The following DPH6 variants were observed in gnomAD, a reference collection of about 807,000 sequenced individuals.
DPH6 encodes the protein diphthamine biosynthesis 6.
In DPH6, 33 loss-of-function variants were observed where a neutral mutation model predicts 38.2. The observed-to-expected ratio is 0.86, with a 90% CI of 0.65 to 1.15. The LOEUF is 1.15. DPH6 is among the 50% of genes most tolerant of loss of function. The pLI, the probability that DPH6 is intolerant of heterozygous loss-of-function variation, is 0.00. For synonymous variants in DPH6, 108 were observed against 103.0 expected (o/e 1.05, Z -0.30); for missense variants, 325 against 320.0 (o/e 1.02, Z -0.12).
chr15:35,330,064 C>T (rs1450152654), downstream of DPH6, among the ~76,000 whole-genome samples: 1 of 152,152 alleles, frequency 6.6e-6, no homozygotes, highest in East Asian at 1.9e-4. Context: ...ACACTAAACA[C>T]TATGTTTTAA....
chr15:35,530,962 T>A (rs1305678253), intron 3 of DPH6, among the ~76,000 whole-genome samples: 2 of 152,158 alleles, frequency 1.3e-5, no homozygotes, highest in Non-Finnish European at 2.9e-5. Flanking sequence ...AGGTTTAATA[T>A]CCAAAATCCT....
At chr15:35,211,229 T>C in the DPH6 span, among the ~76,000 whole-genome samples, 3 of 152,274 alleles carry the variant, frequency 2.0e-5, no homozygotes, top group Admixed American at 2.0e-4. Context: ...AAAAACTTTT[T>C]CCTTTCCCTA....
chr15:35,431,439 G>GA (rs571395756), intron 5 of DPH6, among the ~76,000 whole-genome samples: 11 of 151,642 alleles, frequency 7.3e-5, no homozygotes, highest in Non-Finnish European at 1.3e-4. Context: ...ATTAAATCAG[G>GA]AAAAAAAATG....
At position 35,223,485 on chromosome 15, in the gene DPH6, G is replaced by C. The variant is rs535025403; in HGVS notation, n.201-2903C>G. On this transcript the variant is annotated intron_variant and non_coding_transcript_variant, in intron 3 of 3. Coordinates refer to the DPH6 transcript ENST00000560386. Reference sequence around the variant, plus strand: ...GTGGATCACGAGGTCAGGAGATGGAGACCACCCTGGCTAAGAAGGTGAAAC... The same window carrying C: ...GTGGATCACGAGGTCAGGAGATGGACACCACCCTGGCTAAGAAGGTGAAAC... 1.4e-3 allele frequency among the ~76,000 whole-genome samples: 211 copies of C among 152,276 alleles called. 1 individual carries two copies. The highest frequency in any genetic ancestry group is 2.1e-3 in the Non-Finnish European group (142 of 68,022).
At chr15:35,491,409 T>A (rs565126461) in intron 3 of DPH6, among the ~76,000 whole-genome samples, 2 of 152,202 alleles carry the variant, frequency 1.3e-5, no homozygotes, top group South Asian at 2.1e-4. Context: ...GAAATCACTG[T>A]CATAAACCAA....
intron 7 of DPH6, among the ~76,000 whole-genome samples, 178 bp from the exon 8 acceptor site, chr15:35,373,786 A>T (rs2052744803): frequency 6.6e-6 from 1 of 151,992 alleles, no homozygotes; most frequent in African/African-American, 2.4e-5. Flanking sequence ...AAAAGGTTCA[A>T]GTATACTAAG....
At chr15:35,215,430 C>A (rs148185208), downstream of DPH6, among the ~76,000 whole-genome samples, 1 of 151,976 alleles carries the variant, frequency 6.6e-6, no homozygotes, top group Non-Finnish European at 1.5e-5. Context: ...ACTCAGTTGC[C>A]CAGGCTGGGG....
intron 3 of DPH6, chr15:35,489,752 T>TA: frequency 9.2e-6 from 9 of 981,784 alleles, no homozygotes; most frequent in Non-Finnish European, 1.1e-5. Context: ...ACAGAAACTA[T>TA]AAAGTATTTT....
rs1019643181 is a variant in DPH6, at chr15:35,496,069, A to C, written c.313-41249T>G. Among the ~76,000 whole-genome samples the C allele has an allele frequency of 3.9e-5, 6 of 152,336 alleles. No homozygotes were observed. The South Asian group carries it at 6.2e-4, about 16-fold the overall frequency. On this transcript the variant is annotated intron_variant, in intron 3 of 8. Transcript: ENST00000256538. ...ATTTCAAGTATATATCAAATGTGTA[A>C]GTAAACAATAGCTTCTAAAAGATAG... is the stretch of plus-strand genomic sequence containing the variant.
At position 35,371,891 on chromosome 15, in the gene DPH6, G is replaced by T; in HGVS notation, c.*259C>A. 3 of 1,131,536 alleles carry T rather than the reference G, an allele frequency of 2.7e-6. No individual in the cohort carries two copies. The highest frequency in any genetic ancestry group is 1.1e-6 in the Non-Finnish European group (1 of 919,708). The allele number at this position is 1,131,536 out of a possible 1,614,324, so 70.1% of individuals were successfully genotyped here. On this transcript the variant is annotated 3_prime_UTR_variant, in exon 9 of 9. Coordinates refer to ENST00000256538, the MANE Select transcript of DPH6 (RefSeq NM_080650.4). ...AATGGGGTTTATAGATGAAATAAAAGAAAAAAAAGGTCATAGGGAAGATGT... is the reference window on the plus strand; with the variant it reads ...AATGGGGTTTATAGATGAAATAAAATAAAAAAAAGGTCATAGGGAAGATGT...
intron 5 of DPH6, among the ~76,000 whole-genome samples, chr15:35,435,159 C>CTACACGACT (rs2053681239): frequency 6.6e-6 from 1 of 152,126 alleles, no homozygotes; most frequent in Non-Finnish European, 1.5e-5. Flanking sequence ...GGTCGATTAT[C>CTACACGACT]TACACGACCC....
At chr15:35,383,953 T>C (rs1595517264) in intron 6 of DPH6, among the ~76,000 whole-genome samples, 1 of 152,322 alleles carries the variant, frequency 6.6e-6, no homozygotes, top group Admixed American at 6.5e-5. Context: ...AAGCATGACG[T>C]ATGCATGTGA....
At chr15:35,222,235 C>A (rs978266518) in intron 3 of DPH6, among the ~76,000 whole-genome samples, 1 of 152,178 alleles carries the variant, frequency 6.6e-6, no homozygotes, top group Non-Finnish European at 1.5e-5. Context: ...ACAATATAGG[C>A]TTTTTCCAGC....
At chr15:35,511,367 A>G (rs1051531077) in intron 3 of DPH6, among the ~76,000 whole-genome samples, 2 of 152,186 alleles carry the variant, frequency 1.3e-5, no homozygotes, top group African/African-American at 2.4e-5. Context: ...CTCTGTCTGC[A>G]ATCTTTGTTT....
intron 3 of DPH6, among the ~76,000 whole-genome samples, chr15:35,530,575 A>G (rs937345599): frequency 6.6e-6 from 1 of 152,160 alleles, no homozygotes; most frequent in Non-Finnish European, 1.5e-5. Context: ...GTGCATGTGC[A>G]ATATATACAC....
At chr15:35,543,053 A>T (rs2055285980) in intron 1 of DPH6, among the ~76,000 whole-genome samples, 1 of 145,368 alleles carries the variant, frequency 6.9e-6, no homozygotes, top group Admixed American at 6.9e-5. Flanking sequence ...CCACCATAAG[A>T]AATCTAACAA....
chr15:35,493,333 G>A (rs762560281), intron 3 of DPH6, among the ~76,000 whole-genome samples: 88 of 152,136 alleles, frequency 5.8e-4, no homozygotes, highest in Non-Finnish European at 1.0e-3. Flanking sequence ...GTTAGATTCC[G>A]TAGGCTAACT....
chr15:35,171,999 C>A, the DPH6 span, among the ~76,000 whole-genome samples: 2 of 152,064 alleles, frequency 1.3e-5, no homozygotes. Context: ...TCCCAAGTAG[C>A]TGGGACTACA....
chr15:35,246,595 T>A (rs573448854), intron 3 of DPH6, among the ~76,000 whole-genome samples: 2 of 152,330 alleles, frequency 1.3e-5, no homozygotes, highest in Admixed American at 6.5e-5. Flanking sequence ...TACCCCATGA[T>A]ACAGGCATTT....
Sources: gnomAD v4.1 joint callset for allele counts (sites outside exome capture counted in the v4.1 genomes callset) on GRCh38, gnomAD v4.1.1 for gene constraint, MANE v1.5 for transcripts, NCBI Gene and HGNC (gene_info 2026-07-23, HGNC 2026-07-21) for gene names.